LRRC20: variants seen among roughly 807,000 people sequenced by gnomAD.
LRRC20 encodes the protein leucine-rich repeat-containing protein 20.
Under a neutral mutation model 14.4 loss-of-function variants are expected in LRRC20, and 11 were observed. The observed-to-expected ratio is 0.77, with a 90% CI of 0.48 to 1.27. The LOEUF (loss-of-function observed/expected upper bound fraction) is 1.27. Among genes scored for constraint, LRRC20 ranks in the 50% most tolerant of loss-of-function variants. The probability of loss-of-function intolerance (pLI) is 0.00; values close to 1 mark genes in which losing one functional copy is unlikely to be tolerated. For synonymous variants in LRRC20, 121 were observed against 107.3 expected (o/e 1.13, Z -0.79); for missense variants, 219 against 251.2 (o/e 0.87, Z 0.87).
intron 3 of LRRC20, among the ~76,000 whole-genome samples, chr10:70,329,972 T>G (rs1842473718): frequency 6.6e-6 from 1 of 152,252 alleles, no homozygotes; most frequent in East Asian, 1.9e-4. Flanking sequence ...TATATTCTTC[T>G]TATACATTGC....
At chr10:70,345,971 A>G (rs544499230) in intron 2 of LRRC20, among the ~76,000 whole-genome samples, 1 of 152,214 alleles carries the variant, frequency 6.6e-6, no homozygotes, top group East Asian at 1.9e-4. Flanking sequence ...TCTACAAAAA[A>G]TAAAATACGG....
intron 2 of LRRC20, among the ~76,000 whole-genome samples, chr10:70,351,307 G>T (rs1468408384): frequency 2.0e-5 from 3 of 152,210 alleles, no homozygotes; most frequent in Non-Finnish European, 2.9e-5. Flanking sequence ...ATCCCCAGGT[G>T]ATTCTTATCA....
Position 70,336,876 on chromosome 10 carries a change from AG to A in LRRC20, c.232+3676del, listed in dbSNP as rs574950761. On this transcript the variant is annotated intron_variant, in intron 3 of 4. Transcript: ENST00000446961. Reference sequence around the variant, plus strand: ...TAAAAAGAGCTAAGACTTGAGGAAGAGGGGAAACAGGGATACAGGAGCAGAA... The same window carrying A: ...TAAAAAGAGCTAAGACTTGAGGAAGAGGGAAACAGGGATACAGGAGCAGAA... Among the ~76,000 whole-genome samples the A allele has an allele frequency of 5.3e-5, 8 of 152,334 alleles. 1 individual carries two copies. In the South Asian group the frequency reaches 1.7e-3, roughly 32 times the overall value.
At chr10:70,304,654 C>T (rs1841350473) in intron 4 of LRRC20, among the ~76,000 whole-genome samples, 1 of 151,712 alleles carries the variant, frequency 6.6e-6, no homozygotes, top group Non-Finnish European at 1.5e-5. Flanking sequence ...AACCAATCTC[C>T]AGAACTCGAT....
At chr10:70,319,357 G>C (rs1040825632) in intron 4 of LRRC20, among the ~76,000 whole-genome samples, 5 of 152,150 alleles carry the variant, frequency 3.3e-5, no homozygotes, top group Admixed American at 6.5e-5. Flanking sequence ...GTGAGCACGT[G>C]GTGAGGCCCT....
rs994836442 is a variant in LRRC20, at chr10:70,301,039, G to A, written c.*315C>T. 4.4e-6 allele frequency: 5 copies of A among 1,126,920 alleles called. No individual in the cohort carries two copies. The African/African-American group carries it at 6.5e-5, about 15-fold the overall frequency. The allele number at this position is 1,126,920 out of a possible 1,614,324, so 69.8% of individuals were successfully genotyped here. On this transcript the variant is annotated 3_prime_UTR_variant, in exon 5 of 5. Coordinates refer to ENST00000446961, the MANE Select transcript of LRRC20 (RefSeq NM_001278212.2). ...CGTACTGCTTAAAAACCTCCAGGGA[G>A]CCCAAAGGAGGGAAAGGGTCCTGTT... is the stretch of plus-strand genomic sequence containing the variant.
intron 3 of LRRC20, among the ~76,000 whole-genome samples, chr10:70,324,363 G>A (rs1020118536): frequency 2.6e-5 from 4 of 152,182 alleles, no homozygotes; most frequent in Non-Finnish European, 5.9e-5. Flanking sequence ...CCTCAACTCC[G>A]GGCCCTGACG....
chr10:70,340,433 G>A (rs1842870353), intron 3 of LRRC20, 120 bp downstream of exon 3: 4 of 1,185,738 alleles, frequency 3.4e-6, no homozygotes, highest in Non-Finnish European at 4.9e-6. Context: ...CAACCCATGG[G>A]AATGATTTCA....
chr10:70,380,694 T>C (rs1027996265), intron 1 of LRRC20, among the ~76,000 whole-genome samples: 1 of 152,238 alleles, frequency 6.6e-6, no homozygotes, highest in East Asian at 1.9e-4. Context: ...AAGCTCATAC[T>C]CACACTGCCT....
At chr10:70,338,926 G>T (rs978695852) in intron 3 of LRRC20, among the ~76,000 whole-genome samples, 1 of 152,232 alleles carries the variant, frequency 6.6e-6, no homozygotes, top group Non-Finnish European at 1.5e-5. Context: ...CTCCCAAAGT[G>T]CTGGGATTAC....
chr10:70,376,585 A>C lies in LRRC20; in HGVS notation c.-52T>G. On this transcript the variant is annotated 5_prime_UTR_variant, in exon 2 of 5. Coordinates refer to ENST00000446961, the MANE Select transcript of LRRC20 (RefSeq NM_001278212.2). ...CCCCAGGCTGGTCTGCTTCTCACAAAAGGGCCTGAGCCTGGGGAAGACGCA... is the reference window on the plus strand; with the variant it reads ...CCCCAGGCTGGTCTGCTTCTCACAACAGGGCCTGAGCCTGGGGAAGACGCA... The C allele has an allele frequency of 1.9e-6, 3 of 1,562,738 alleles. No individual in the cohort carries two copies. The highest frequency in any genetic ancestry group is 1.1e-5 in the South Asian group (1 of 90,140).
chr10:70,332,562 T>C (rs753872014), intron 3 of LRRC20, among the ~76,000 whole-genome samples: 4 of 152,180 alleles, frequency 2.6e-5, no homozygotes, highest in Non-Finnish European at 5.9e-5. Context: ...AAAGATCACT[T>C]GAGCCCAGGA....
chr10:70,365,995 G>A (rs1470664574), intron 2 of LRRC20, among the ~76,000 whole-genome samples: 1 of 151,452 alleles, frequency 6.6e-6, no homozygotes, highest in Non-Finnish European at 1.5e-5. Context: ...CGTGAACACC[G>A]GGAGGTAGAG....
chr10:70,311,206 T>C (rs1389954329), intron 4 of LRRC20, among the ~76,000 whole-genome samples: 1 of 151,290 alleles, frequency 6.6e-6, no homozygotes, highest in Non-Finnish European at 1.5e-5. Flanking sequence ...GACATCCAGG[T>C]TGTTTTCAAC....
At chr10:70,365,792 C>T (rs958398050) in intron 2 of LRRC20, among the ~76,000 whole-genome samples, 6 of 152,086 alleles carry the variant, frequency 3.9e-5, no homozygotes, top group Admixed American at 2.6e-4. Flanking sequence ...ATGGATAGGC[C>T]GGGTGTGGTG....
Position 70,340,770 on chromosome 10 carries a change from C to G in LRRC20, c.83-68G>C, listed in dbSNP as rs138005096. 34 of 1,546,610 alleles carry G rather than the reference C, an allele frequency of 2.2e-5. No homozygotes were observed. In the African/African-American group the frequency reaches 4.1e-4, roughly 19 times the overall value. On this transcript the variant is annotated intron_variant, in intron 2 of 4. Transcript: ENST00000446961. ...GCTGCCCGAGAACTTGTCCCAGACTCACACAGACCCCACCTCCATGCCCCC... is the reference window on the plus strand; with the variant it reads ...GCTGCCCGAGAACTTGTCCCAGACTGACACAGACCCCACCTCCATGCCCCC...
chr10:70,307,003 T>G (rs1404325174), intron 4 of LRRC20, among the ~76,000 whole-genome samples: 1 of 152,224 alleles, frequency 6.6e-6, no homozygotes, highest in Non-Finnish European at 1.5e-5. Flanking sequence ...CTCCTGTATC[T>G]TTTGACATGG....
chr10:70,326,297 TACACACACACACACAC>T (rs3998644), intron 3 of LRRC20, among the ~76,000 whole-genome samples: 10 of 140,382 alleles, frequency 7.1e-5, no homozygotes, highest in Non-Finnish European at 1.4e-4. Flanking sequence ...CGCCTCTGTG[TACACACACACACACAC>T]ACACACACAC....
At chr10:70,377,577 C>A (rs886118588) in intron 1 of LRRC20, among the ~76,000 whole-genome samples, 1 of 152,104 alleles carries the variant, frequency 6.6e-6, no homozygotes, top group Non-Finnish European at 1.5e-5. Flanking sequence ...AGGTCAGCAC[C>A]CCTTCTTTGC....
Sources: gnomAD v4.1 joint callset for allele counts (sites outside exome capture counted in the v4.1 genomes callset) on GRCh38, gnomAD v4.1.1 for gene constraint, MANE v1.5 for transcripts, NCBI Gene and HGNC (gene_info 2026-07-23, HGNC 2026-07-21) for gene names.